The following PDE6A variants were observed in gnomAD, a reference collection of about 807,000 sequenced individuals.
PDE6A encodes the protein rod cGMP-specific 3',5'-cyclic phosphodiesterase subunit alpha.
In PDE6A, 84 loss-of-function variants were observed where a neutral mutation model predicts 106.3. That is an observed-to-expected ratio of 0.79 (90% confidence interval 0.66 to 0.95). The LOEUF (loss-of-function observed/expected upper bound fraction) is 0.95, where lower values mean the gene tolerates loss of function less well. Among genes scored for constraint, PDE6A ranks in the 40% least tolerant of loss-of-function variants. The pLI is 0.00. For synonymous variants in PDE6A, 394 were observed against 386.6 expected (o/e 1.02, Z -0.23); for missense variants, 1,052 against 1,084.9 (o/e 0.97, Z 0.43).
At chr5:149,909,044 C>G (rs970233053) in intron 6 of PDE6A, among the ~76,000 whole-genome samples, 4 of 151,766 alleles carry the variant, frequency 2.6e-5, no homozygotes, top group Admixed American at 2.0e-4. Context: ...TTCTTTTTTT[C>G]AAGATAGGGT....
rs773864047 is a variant in PDE6A, at chr5:149,866,134, G to A, written c.2358+36C>T. On this transcript the variant is annotated intron_variant, in intron 20 of 21. Transcript: ENST00000255266. ...GTCTGGAAATCCCAGGTTTATCAAA[G>A]ACATCTTGTTGCGGCTGAGGAAGCC... is the stretch of plus-strand genomic sequence containing the variant. 12 of 1,450,174 alleles carry A rather than the reference G, an allele frequency of 8.3e-6. 1 individual carries two copies. In the South Asian group the frequency reaches 1.3e-4, roughly 15 times the overall value. The allele number at this position is 1,450,174 out of a possible 1,614,324, so 89.8% of individuals were successfully genotyped here.
intron 5 of PDE6A, 70 bp downstream of exon 5, chr5:149,921,565 T>C (rs764044006): frequency 2.0e-4 from 251 of 1,284,302 alleles, no homozygotes; most frequent in Non-Finnish European, 2.2e-4. Context: ...TAAAAAATCC[T>C]TTAACAGGGT....
At chr5:149,925,269 TGTGATTA>T (rs1753837686) in intron 4 of PDE6A, among the ~76,000 whole-genome samples, 1 of 152,144 alleles carries the variant, frequency 6.6e-6, no homozygotes, top group East Asian at 1.9e-4. Context: ...CAAAAATAAC[TGTGATTA>T]TGTCCAAGAA....
At chr5:149,930,429 G>C (rs1753998368) in intron 4 of PDE6A, among the ~76,000 whole-genome samples, 1 of 152,210 alleles carries the variant, frequency 6.6e-6, no homozygotes, top group South Asian at 2.1e-4. Flanking sequence ...TTTCAAGGCA[G>C]AAAATGATTA....
intron 1 of PDE6A, among the ~76,000 whole-genome samples, chr5:149,939,547 G>A (rs1305615861): frequency 6.6e-6 from 1 of 152,166 alleles, no homozygotes; most frequent in Admixed American, 6.5e-5. Flanking sequence ...TAGCAAAATG[G>A]TCGTAATAGT....
intron 16 of PDE6A, 119 bp from the exon 17 acceptor site, chr5:149,883,655 G>A: frequency 1.3e-6 from 1 of 761,772 alleles, no homozygotes; most frequent in Non-Finnish European, 2.3e-6. Flanking sequence ...ACAAAACAAG[G>A]TTGAAAGAGC....
chr5:149,918,178 A>C lies in PDE6A; in HGVS notation c.934-3171T>G, dbSNP rs546791269. 5.9e-5 allele frequency among the ~76,000 whole-genome samples: 9 copies of C among 152,368 alleles called. No individual in the cohort carries two copies. In the East Asian group the frequency reaches 1.5e-3, roughly 26 times the overall value. On this transcript the variant is annotated intron_variant, in intron 5 of 21. Transcript: ENST00000255266. ...TAGAGATATACTCCCAAATGTGGGTAAAAGCATTTTTTGCCCCGTCCAAGG... is the reference window on the plus strand; with the variant it reads ...TAGAGATATACTCCCAAATGTGGGTCAAAGCATTTTTTGCCCCGTCCAAGG...
intron 12 of PDE6A, 99 bp downstream of exon 12, chr5:149,896,256 TA>T (rs2113585942): frequency 3.1e-6 from 3 of 980,746 alleles, no homozygotes; most frequent in East Asian, 4.8e-5. Context: ...ATACTGAGAG[TA>T]AACTCTTTTT....
intron 17 of PDE6A, among the ~76,000 whole-genome samples, chr5:149,882,414 G>C (rs1760963018): frequency 6.6e-6 from 1 of 151,990 alleles, no homozygotes; most frequent in South Asian, 2.1e-4. Flanking sequence ...TGTCTCCCCT[G>C]CAACTTTTCC....
intron 7 of PDE6A, 40 bp downstream of exon 7, chr5:149,907,272 G>A (rs761424009): frequency 2.7e-5 from 39 of 1,433,392 alleles, no homozygotes; most frequent in Middle Eastern, 1.7e-4. Context: ...TTTCTTCCAC[G>A]TGATCCAAAA....
At chr5:149,919,240 C>T (rs1221081704) in intron 5 of PDE6A, among the ~76,000 whole-genome samples, 2 of 152,114 alleles carry the variant, frequency 1.3e-5, no homozygotes, top group Non-Finnish European at 1.5e-5. Flanking sequence ...GGTGCGGTGG[C>T]TCGCGCCTGT....
Position 149,931,151 on chromosome 5 carries a change from C to A in PDE6A, c.735G>T (p.Gly245=), listed in dbSNP as rs1205889575. 1.2e-6 allele frequency: 2 copies of A among 1,614,092 alleles called. No homozygotes were observed. The highest frequency in any genetic ancestry group is 3.3e-5 in the Admixed American group (2 of 59,996). Residue 245 remains glycine, a synonymous_variant, in exon 4 of 22, where the codon GGG becomes GGT. Coordinates refer to ENST00000255266, the MANE Select transcript of PDE6A (RefSeq NM_000440.3). ...CCGTAAGTTCTTCAAAGACTTTGCT[C>A]CCAGACCACAGCAGTATCTGAAAAA... is the stretch of plus-strand genomic sequence containing the variant. ...TRRGQILLWS[G]SKVFEELTDI...
intron 1 of PDE6A, 95 bp downstream of exon 1, chr5:149,944,105 C>A: frequency 1.2e-6 from 1 of 866,034 alleles, no homozygotes; most frequent in South Asian, 1.3e-5. Context: ...TTGTCACCAG[C>A]CTTGTCTTGG....
intron 4 of PDE6A, among the ~76,000 whole-genome samples, chr5:149,927,217 G>C (rs1753889693): frequency 6.6e-6 from 1 of 152,058 alleles, no homozygotes; most frequent in Non-Finnish European, 1.5e-5. Flanking sequence ...AAAAGTTTAA[G>C]AATCATACAC....
At chr5:149,939,855 G>A (rs1754280634) in intron 1 of PDE6A, among the ~76,000 whole-genome samples, 1 of 151,872 alleles carries the variant, frequency 6.6e-6, no homozygotes, top group African/African-American at 2.4e-5. Context: ...ATTTTATAGA[G>A]GAGGAGGGAG....
chr5:149,938,903 G>A (rs1754255728), intron 1 of PDE6A, among the ~76,000 whole-genome samples: 4 of 152,296 alleles, frequency 2.6e-5, no homozygotes, highest in Admixed American at 2.6e-4. Flanking sequence ...CAACAATGCA[G>A]CAATTGCAAC....
chr5:149,865,164 T>TG (rs1192732659), intron 20 of PDE6A, among the ~76,000 whole-genome samples: 2 of 147,056 alleles, frequency 1.4e-5, no homozygotes. Context: ...TTCTTGAACC[T>TG]GGGAGGTAGA....
intron 4 of PDE6A, among the ~76,000 whole-genome samples, chr5:149,930,677 C>T (rs764612873): frequency 1.3e-4 from 20 of 152,186 alleles, no homozygotes; most frequent in Non-Finnish European, 2.4e-4. Context: ...ACTTTCAGTA[C>T]ATTTTTTGAG....
intron 13 of PDE6A, among the ~76,000 whole-genome samples, chr5:149,893,844 C>G (rs1475397107): frequency 6.6e-6 from 1 of 152,134 alleles, no homozygotes; most frequent in Non-Finnish European, 1.5e-5. Flanking sequence ...GTTATTTGGC[C>G]AGGCTCACTC....
Sources: allele counts gnomAD v4.1 joint callset (sites outside exome capture counted in the v4.1 genomes callset), GRCh38; gene constraint gnomAD v4.1.1; transcripts MANE v1.5; gene names NCBI Gene and HGNC (gene_info 2026-07-23, HGNC 2026-07-21).